SLIT3: variants seen among roughly 807,000 people sequenced by gnomAD.
SLIT3 encodes the protein slit guidance ligand 3.
In SLIT3, 68 loss-of-function variants were observed where a neutral mutation model predicts 184.0. That is an observed-to-expected ratio of 0.37 (90% CI 0.30 to 0.45). The LOEUF is 0.45. Among genes scored for constraint, SLIT3 ranks in the 20% least tolerant of loss-of-function variants. The pLI, the probability that SLIT3 is intolerant of heterozygous loss-of-function variation, is 1.00. For synonymous variants in SLIT3, 831 were observed against 828.6 expected, an observed-to-expected ratio of 1.00 and a Z score of -0.05; for missense variants, 1,707 against 2,026.0, an observed-to-expected ratio of 0.84 and a Z score of 3.02.
intron 32 of SLIT3, among the ~76,000 whole-genome samples, chr5:168,680,986 T>C (rs1024807269): frequency 2.0e-5 from 3 of 151,992 alleles, no homozygotes; most frequent in Non-Finnish European, 4.4e-5. Flanking sequence ...CCCTGTCTCT[T>C]CCAGAAAAAA....
At chr5:169,095,223 C>A (rs1475277414) in intron 4 of SLIT3, among the ~76,000 whole-genome samples, 1 of 152,210 alleles carries the variant, frequency 6.6e-6, no homozygotes, top group Non-Finnish European at 1.5e-5. Flanking sequence ...AACTACTGAT[C>A]ATCCCGGGAA....
intron 10 of SLIT3, among the ~76,000 whole-genome samples, chr5:168,794,731 C>A (rs1422252888): frequency 6.6e-6 from 1 of 152,172 alleles, no homozygotes; most frequent in Non-Finnish European, 1.5e-5. Flanking sequence ...ACTTTTCCAA[C>A]ACAAGCCCCA....
At chr5:168,848,273 C>T (rs555392386) in intron 5 of SLIT3, among the ~76,000 whole-genome samples, 83 of 152,280 alleles carry the variant, frequency 5.5e-4, no homozygotes, top group Non-Finnish European at 9.9e-4. Flanking sequence ...CTTCTAGTGA[C>T]GACAATAAAG....
At chr5:168,768,011 C>T (rs1257285559) in intron 14 of SLIT3, 3 of 336,462 alleles carry the variant, frequency 8.9e-6, no homozygotes, top group African/African-American at 6.5e-5. Flanking sequence ...TCTGTATCTG[C>T]ATCCTTTGAG....
chr5:168,914,885 G>A (rs983031360), intron 4 of SLIT3, among the ~76,000 whole-genome samples: 1 of 151,790 alleles, frequency 6.6e-6, no homozygotes, highest in Non-Finnish European at 1.5e-5. Flanking sequence ...GGACATTGGG[G>A]GGTAAAAATG....
intron 4 of SLIT3, among the ~76,000 whole-genome samples, chr5:169,064,465 G>A (rs984756241): frequency 5.3e-5 from 8 of 152,182 alleles, no homozygotes; most frequent in Non-Finnish European, 7.3e-5. Flanking sequence ...CCCAGCATGA[G>A]TATTGTCCTT....
intron 4 of SLIT3, among the ~76,000 whole-genome samples, chr5:169,016,259 G>T (rs1251522948): frequency 6.6e-6 from 1 of 152,078 alleles, no homozygotes; most frequent in Non-Finnish European, 1.5e-5. Flanking sequence ...GTTAAGTCCC[G>T]GGGCTACAGA....
At chr5:169,058,232 G>A (rs1031950842) in intron 4 of SLIT3, among the ~76,000 whole-genome samples, 9 of 152,182 alleles carry the variant, frequency 5.9e-5, no homozygotes, top group Non-Finnish European at 1.3e-4. Flanking sequence ...AATGCCATGC[G>A]GCAAAGTGCA....
At chr5:169,081,456 G>A (rs1581387845) in intron 4 of SLIT3, among the ~76,000 whole-genome samples, 1 of 152,282 alleles carries the variant, frequency 6.6e-6, no homozygotes. Context: ...GGAAACTCCT[G>A]GCCATTTTGC....
intron 4 of SLIT3, among the ~76,000 whole-genome samples, chr5:169,076,976 A>C (rs1268908940): frequency 1.3e-5 from 2 of 152,132 alleles, no homozygotes; most frequent in East Asian, 3.9e-4. Context: ...ACACACACAC[A>C]CACCCTAGAG....
intron 4 of SLIT3, among the ~76,000 whole-genome samples, chr5:168,964,010 C>T (rs1763102079): frequency 1.3e-5 from 2 of 152,160 alleles, no homozygotes; most frequent in South Asian, 2.1e-4. Context: ...AGGAGTTGTC[C>T]CTAGTTATAA....
chr5:169,131,242 C>CTGA (rs1408803639), intron 4 of SLIT3, among the ~76,000 whole-genome samples: 1 of 152,220 alleles, frequency 6.6e-6, no homozygotes, highest in African/African-American at 2.4e-5. Flanking sequence ...TTGGGGATTA[C>CTGA]TGATTGTAAA....
At chr5:168,873,277 C>T (rs1341117741) in intron 5 of SLIT3, among the ~76,000 whole-genome samples, 1 of 152,062 alleles carries the variant, frequency 6.6e-6, no homozygotes, top group Non-Finnish European at 1.5e-5. Context: ...CACCTCTATA[C>T]CTAGAGGATA....
At chr5:168,950,529 T>C (rs1178373701) in intron 4 of SLIT3, among the ~76,000 whole-genome samples, 1 of 152,226 alleles carries the variant, frequency 6.6e-6, no homozygotes, top group Non-Finnish European at 1.5e-5. Context: ...ATTCTGTTTC[T>C]AGGAAAAAAG....
rs138326609 is a variant in SLIT3, at chr5:168,924,550, C to T, written c.414-41214G>A. ...TGTGTAGCTCACTCTGCCTCTGCCACCCAGGCTGGAGTGCAGCAGCACAAT... is the reference window on the plus strand; with the variant it reads ...TGTGTAGCTCACTCTGCCTCTGCCATCCAGGCTGGAGTGCAGCAGCACAAT... On this transcript the variant is annotated intron_variant, in intron 4 of 35. Coordinates refer to ENST00000519560, the MANE Select transcript of SLIT3 (RefSeq NM_003062.4). 1.3e-3 allele frequency among the ~76,000 whole-genome samples: 193 copies of T among 152,146 alleles called. 2 individuals are homozygous for T. Among genetic ancestry groups the T allele is most frequent in the Non-Finnish European group, 8.1e-4 (55 of 67,988 alleles).
chr5:168,749,540 C>T lies in SLIT3; in HGVS notation c.2069G>A (p.Cys690Tyr). Reference sequence around the variant, plus strand: ...CTCCTTGAGGAAAAATGGCTTCTGGCACCTAGGGTTCCCACTGACGATCCG... The same window carrying T: ...CTCCTTGAGGAAAAATGGCTTCTGGTACCTAGGGTTCCCACTGACGATCCG... ...KRRIVSGNPR[C>Y]QKPFFLKEIP... The change falls in exon 19 of 36, where the codon TGC becomes TAC. Residue 690 changes from cysteine (C) to tyrosine (Y), a missense_variant. Around this residue, in one of 3 missense-constraint regions of SLIT3, gnomAD observed 1,307 missense variants for 1,511.6 expected, o/e 0.86. Coordinates refer to ENST00000519560, the MANE Select transcript of SLIT3 (RefSeq NM_003062.4). The T allele has an allele frequency of 6.2e-7, 1 of 1,614,210 alleles. No homozygotes were observed. Among genetic ancestry groups the T allele is most frequent in the Non-Finnish European group, 8.5e-7 (1 of 1,180,036 alleles).
chr5:168,900,891 G>A (rs1760842575), intron 4 of SLIT3, among the ~76,000 whole-genome samples: 1 of 152,226 alleles, frequency 6.6e-6, no homozygotes, highest in South Asian at 2.1e-4. Flanking sequence ...TCACTTAGAA[G>A]TGGAAGCTAA....
intron 6 of SLIT3, among the ~76,000 whole-genome samples, chr5:168,842,711 C>A (rs2113710488): frequency 6.6e-6 from 1 of 152,286 alleles, no homozygotes; most frequent in East Asian, 1.9e-4. Flanking sequence ...GTAAAGCCCT[C>A]TCTTCTCCCT....
chr5:169,197,754 C>G (rs1445740812), intron 3 of SLIT3, among the ~76,000 whole-genome samples: 1 of 152,126 alleles, frequency 6.6e-6, no homozygotes, highest in African/African-American at 2.4e-5. Context: ...GGTATTCCCT[C>G]TCCCACTAAG....
Sources: allele counts gnomAD v4.1 joint callset (sites outside exome capture counted in the v4.1 genomes callset), GRCh38; gene constraint gnomAD v4.1.1; regional missense constraint gnomAD v4.1.1; transcripts MANE v1.5; gene names NCBI Gene and HGNC (gene_info 2026-07-23, HGNC 2026-07-21).